The following VTI1B variants were observed in gnomAD, a reference collection of about 807,000 sequenced individuals.
VTI1B encodes the protein vesicle transport through interaction with t-SNAREs homolog 1B.
A neutral mutation model predicts 28.6 loss-of-function variants in VTI1B; 18 were observed. That is an observed-to-expected ratio of 0.63 (90% CI 0.43 to 0.93). The LOEUF (loss-of-function observed/expected upper bound fraction) is 0.93, where lower values mean the gene tolerates loss of function less well. Ranked by LOEUF, VTI1B falls within the 40% of genes least tolerant of loss-of-function variation. The pLI is 0.00. For synonymous variants in VTI1B, 100 were observed against 107.9 expected, an observed-to-expected ratio of 0.93 and a Z score of 0.46; for missense variants, 283 against 297.0, an observed-to-expected ratio of 0.95 and a Z score of 0.35.
rs182970753 is a variant in VTI1B at position 67,657,993 on chromosome 14, C to T, written c.367-1404G>A. On this transcript the variant is annotated intron_variant, in intron 3 of 5. Transcript: ENST00000554659. ...CGAACTCCTGACCTCAGGTGATCCA[C>T]CAGCCTCAGCCTCCCAAGGTGCTGG... 9.9e-3 allele frequency among the ~76,000 whole-genome samples: 1,501 copies of T among 152,144 alleles called. 22 individuals carry two copies. Among genetic ancestry groups the T allele is most frequent in the Middle Eastern group, 0.014 (4 of 294 alleles).
chr14:67,666,792 G>A (rs2037407093), intron 1 of VTI1B, among the ~76,000 whole-genome samples: 1 of 152,208 alleles, frequency 6.6e-6, no homozygotes, highest in Admixed American at 6.5e-5. Flanking sequence ...GTTCTGGAAT[G>A]CAAGTGTGCT....
Position 67,656,519 on chromosome 14 carries a change from A to G in VTI1B, c.437T>C (p.Ile146Thr), listed in dbSNP as rs1016981772. 2 of 1,614,014 alleles carry G rather than the reference A, an allele frequency of 1.2e-6. No individual in the cohort carries two copies. Among genetic ancestry groups the G allele is most frequent in the Non-Finnish European group, 8.5e-7 (1 of 1,179,928 alleles). ...TESLNRATQS[I>T]ERSHRIATET... ...TGTGGCAATCCGATGAGAACGTTCA[A>G]TACTTTGGGTGGCCCGGTTCAGGCT... is the stretch of plus-strand genomic sequence containing the variant. Residue 146 changes from isoleucine (I) to threonine (T), a missense_variant, in exon 4 of 6, where the codon ATT becomes ACT. Physicochemically the swap from Ile to Thr is moderately conservative, Grantham distance 89. Transcript: ENST00000554659.
intron 1 of VTI1B, among the ~76,000 whole-genome samples, chr14:67,665,098 C>T (rs893918080): frequency 6.6e-6 from 1 of 152,162 alleles, no homozygotes; most frequent in Admixed American, 6.5e-5. Flanking sequence ...TGTGGTCCAC[C>T]CATCTCGGCC....
chr14:67,667,812 T>C (rs2037419688), intron 1 of VTI1B, among the ~76,000 whole-genome samples: 1 of 151,890 alleles, frequency 6.6e-6, no homozygotes, highest in Admixed American at 6.6e-5. Context: ...GGCGTGGTGG[T>C]GGGCGCCTGT....
Position 67,649,770 on chromosome 14 carries a change from T to A in VTI1B, c.*1615A>T, listed in dbSNP as rs2037148511. On this transcript the variant is annotated 3_prime_UTR_variant, in exon 6 of 6. Coordinates refer to ENST00000554659, the MANE Select transcript of VTI1B (RefSeq NM_006370.3). ...CTATAGTGTAATATCAATAAACCATTAGGTACATTTGCCTGTGTTTCCAGA... is the reference window on the plus strand; with the variant it reads ...CTATAGTGTAATATCAATAAACCATAAGGTACATTTGCCTGTGTTTCCAGA... 2.0e-5 allele frequency: 3 copies of A among 152,208 alleles called. No individual in the cohort carries two copies. The highest frequency in any genetic ancestry group is 7.2e-5 in the African/African-American group (3 of 41,454). 9.4% of individuals were successfully genotyped at this position (152,208 alleles called of 1,614,324 possible). A position where few individuals can be genotyped will look rare whatever the true frequency, so the allele number is the denominator to read the frequency against.
chr14:67,674,345 T>G, intron 1 of VTI1B, 30 bp downstream of exon 1: 1 of 1,551,878 alleles, frequency 6.4e-7, no homozygotes, highest in Non-Finnish European at 8.7e-7. Flanking sequence ...AGGGCTGCGC[T>G]CCCCACGGCG....
At chr14:67,663,683 A>G (rs2037366933) in intron 1 of VTI1B, among the ~76,000 whole-genome samples, 1 of 152,186 alleles carries the variant, frequency 6.6e-6, no homozygotes, top group South Asian at 2.1e-4. Flanking sequence ...CAAAATAAAT[A>G]AATAAATAAA....
rs377151422 is a variant in VTI1B, at chr14:67,665,015, A to G, written c.116-2480T>C. On this transcript the variant is annotated intron_variant, in intron 1 of 5. Transcript: ENST00000554659. Reference sequence around the variant, plus strand: ...CTGAGTGGTGGGGTTACAGGAGTGCACCACCACAACCAGATAATTTTTCTA... The same window carrying G: ...CTGAGTGGTGGGGTTACAGGAGTGCGCCACCACAACCAGATAATTTTTCTA... 3.0e-4 allele frequency among the ~76,000 whole-genome samples: 46 copies of G among 152,246 alleles called. 1 individual carries two copies. The highest frequency in any genetic ancestry group is 1.1e-3 in the African/African-American group (45 of 41,544).
At chr14:67,664,922 C>T (rs923834367) in intron 1 of VTI1B, among the ~76,000 whole-genome samples, 2 of 151,848 alleles carry the variant, frequency 1.3e-5, no homozygotes, top group Admixed American at 6.6e-5. Flanking sequence ...GCTGGAGTGC[C>T]GTGGCGTCAT....
Position 67,652,410 on chromosome 14 carries a change from C to T in VTI1B, c.603-929G>A, listed in dbSNP as rs368397616. On this transcript the variant is annotated intron_variant, in intron 5 of 5. Transcript: ENST00000554659. Reference sequence around the variant, plus strand: ...GAAATGAAACCACAGCCAGCTGATGCATGGCATATGCTGTTTCACTAACTG... The same window carrying T: ...GAAATGAAACCACAGCCAGCTGATGTATGGCATATGCTGTTTCACTAACTG... The T allele has an allele frequency of 4.9e-5, 9 of 183,284 alleles. No individual in the cohort carries two copies. The East Asian group carries it at 7.4e-4, about 15-fold the overall frequency. 11.4% of individuals were successfully genotyped at this position (183,284 alleles called of 1,614,324 possible).
chr14:67,657,905 C>G (rs569675895), intron 3 of VTI1B, among the ~76,000 whole-genome samples: 2 of 152,114 alleles, frequency 1.3e-5, no homozygotes, highest in African/African-American at 4.8e-5. Flanking sequence ...CCCGCCACCA[C>G]GCCCAGCTAA....
intron 1 of VTI1B, among the ~76,000 whole-genome samples, chr14:67,669,721 T>C (rs762336419): frequency 1.1e-4 from 17 of 152,196 alleles, no homozygotes; most frequent in Non-Finnish European, 2.2e-4. Flanking sequence ...ATTCACCCAG[T>C]TGACCAAGTG....
chr14:67,656,013 G>A (rs1353049446), intron 4 of VTI1B, among the ~76,000 whole-genome samples: 1 of 152,058 alleles, frequency 6.6e-6, no homozygotes, highest in Non-Finnish European at 1.5e-5. Context: ...TGGGAGGCCG[G>A]AGCAGGTGGA....
intron 1 of VTI1B, among the ~76,000 whole-genome samples, chr14:67,673,636 G>C (rs1425724808): frequency 6.6e-6 from 1 of 152,150 alleles, no homozygotes; most frequent in Non-Finnish European, 1.5e-5. Context: ...CTATGACCTT[G>C]AGTAATTCGT....
At chr14:67,661,720 T>TGG (rs78521130) in intron 2 of VTI1B, among the ~76,000 whole-genome samples, 26 of 151,516 alleles carry the variant, frequency 1.7e-4, no homozygotes, top group East Asian at 5.8e-4. Context: ...TTGGTAGAGA[T>TGG]GGGGGGTCTC....
chr14:67,670,317 G>A (rs775754182), intron 1 of VTI1B, among the ~76,000 whole-genome samples: 5 of 150,364 alleles, frequency 3.3e-5, no homozygotes, highest in Non-Finnish European at 6.0e-5. Context: ...CAATCTGGCT[G>A]TTTCACCTGC....
At chr14:67,670,736 C>T (rs147509815) in intron 1 of VTI1B, among the ~76,000 whole-genome samples, 83 of 152,220 alleles carry the variant, frequency 5.5e-4, no homozygotes, top group African/African-American at 1.9e-3. Context: ...ACCATGTTGA[C>T]CAGGATGGTC....
At chr14:67,662,670 C>T in intron 1 of VTI1B, 135 bp from the exon 2 acceptor site, 1 of 794,998 alleles carries the variant, frequency 1.3e-6, no homozygotes, top group Non-Finnish European at 1.9e-6. Flanking sequence ...CTTTGGGAGG[C>T]CAAGGCAGGT....
intron 4 of VTI1B, among the ~76,000 whole-genome samples, chr14:67,654,585 T>A (rs763947977): frequency 2.2e-4 from 33 of 152,226 alleles, no homozygotes; most frequent in Non-Finnish European, 4.3e-4. Context: ...TTACTCTGAC[T>A]TAATGGAGAA....
Sources: allele counts gnomAD v4.1 joint callset (sites outside exome capture counted in the v4.1 genomes callset), GRCh38; gene constraint gnomAD v4.1.1; transcripts MANE v1.5; gene names NCBI Gene and HGNC (gene_info 2026-07-23, HGNC 2026-07-21).